The following LCA5 variants were observed in gnomAD, a reference collection of about 807,000 sequenced individuals.
LCA5 encodes lebercilin.
Under a neutral mutation model 53.0 loss-of-function variants are expected in LCA5, and 37 were observed. The observed-to-expected ratio is 0.70, with a 90% CI of 0.54 to 0.92. The LOEUF (loss-of-function observed/expected upper bound fraction) is 0.92, where lower values mean the gene tolerates loss of function less well. LCA5 is among the 40% of genes least tolerant of loss of function. The pLI is 0.00. For synonymous variants in LCA5, 303 were observed against 282.9 expected, an observed-to-expected ratio of 1.07 and a Z score of -0.71; for missense variants, 806 against 790.5, an observed-to-expected ratio of 1.02 and a Z score of -0.23.
intron 3 of LCA5, among the ~76,000 whole-genome samples, chr6:79,500,871 T>G (rs965926095): frequency 1.3e-5 from 2 of 152,148 alleles, no homozygotes; most frequent in Non-Finnish European, 2.9e-5. Context: ...TTCCACTGTT[T>G]CTTTTATGTC....
At chr6:79,532,033 C>T (rs898408881) in intron 1 of LCA5, among the ~76,000 whole-genome samples, 4 of 152,198 alleles carry the variant, frequency 2.6e-5, no homozygotes, top group South Asian at 2.1e-4. Flanking sequence ...AAATCATTAC[C>T]GTCCCTTTTC....
intron 3 of LCA5, among the ~76,000 whole-genome samples, chr6:79,500,660 C>A (rs962230321): frequency 2.6e-5 from 4 of 152,116 alleles, no homozygotes; most frequent in African/African-American, 9.7e-5. Flanking sequence ...CTTGATAATG[C>A]AAAGCATACT....
chr6:79,491,914 T>C (rs1365760250), intron 5 of LCA5, among the ~76,000 whole-genome samples, 184 bp from the exon 6 acceptor site: 2 of 152,034 alleles, frequency 1.3e-5, no homozygotes, highest in African/African-American at 2.4e-5. Context: ...ATAAATATAA[T>C]GCATGTTTTG....
chr6:79,512,963 T>A (rs1488177683), intron 3 of LCA5, among the ~76,000 whole-genome samples: 1 of 152,076 alleles, frequency 6.6e-6, no homozygotes, highest in Non-Finnish European at 1.5e-5. Flanking sequence ...AGAGAAACAA[T>A]CAGATAACCA....
chr6:79,532,352 T>G (rs1766983633), intron 1 of LCA5, among the ~76,000 whole-genome samples: 1 of 152,152 alleles, frequency 6.6e-6, no homozygotes, highest in Non-Finnish European at 1.5e-5. Context: ...GTTTTTCACA[T>G]GACAGTGAGA....
chr6:79,527,366 G>A (rs531868992), intron 1 of LCA5, among the ~76,000 whole-genome samples: 45 of 152,256 alleles, frequency 3.0e-4, no homozygotes, highest in Non-Finnish European at 6.2e-4. Flanking sequence ...AAAGCAGAAC[G>A]TCAAAATGGA....
rs1199537393 is a variant in LCA5 at position 79,486,126 on chromosome 6, TAATTG to T, written c.*873_*877del. 6.6e-6 allele frequency: 1 copy of T among 152,198 alleles called. No homozygotes were observed. The highest frequency in any genetic ancestry group is 1.5e-5 in the Non-Finnish European group (1 of 68,024). The allele number at this position is 152,198 out of a possible 1,614,324, so 9.4% of individuals were successfully genotyped here. On this transcript the variant is annotated 3_prime_UTR_variant, in exon 8 of 8. Coordinates refer to ENST00000369846, the MANE Select transcript of LCA5 (RefSeq NM_001122769.3). ...TTGCCAAATTATATTACTCTGGACA[TAATTG>T]AACTGAAGATCTTTCTATAATATAT...
At chr6:79,527,179 C>G (rs560701056) in intron 1 of LCA5, among the ~76,000 whole-genome samples, 13 of 152,234 alleles carry the variant, frequency 8.5e-5, no homozygotes, top group Non-Finnish European at 1.6e-4. Flanking sequence ...CAGATTCACT[C>G]TACTCCAATC....
chr6:79,527,795 T>C (rs1391026807), intron 1 of LCA5, among the ~76,000 whole-genome samples: 1 of 152,186 alleles, frequency 6.6e-6, no homozygotes, highest in African/African-American at 2.4e-5. Context: ...GTATATGGGT[T>C]AAGAGCAGAC....
At position 79,513,463 on chromosome 6, in the gene LCA5, T is replaced by G. The variant is rs901281230; in HGVS notation, c.469A>C (p.Ile157Leu). The change falls in exon 3 of 8, where the codon ATC (isoleucine) becomes CTC (leucine). Residue 157 changes from isoleucine to leucine, a missense_variant. Physicochemically the swap from Ile to Leu is conservative, Grantham distance 5. Transcript: ENST00000369846. ...TTATGACGAAATATAAGTTGTGAGA[T>G]TTCATTTTCGGCATCTTCAAACTTA... ...LNKFEDAENE[I>L]SQLIFRHNNE... 8 of 1,613,870 alleles carry G rather than the reference T, an allele frequency of 5.0e-6. No homozygotes were observed. In the African/African-American group the frequency reaches 1.1e-4, roughly 22 times the overall value.
rs1224649252 is a variant in LCA5, at chr6:79,513,307, T to C, written c.625A>G (p.Ile209Val). The change falls in exon 3 of 8, where the codon ATC (isoleucine) becomes GTC (valine). Residue 209 changes from isoleucine (I) to valine (V), a missense_variant. Physicochemically the swap from Ile to Val is conservative, Grantham distance 29. Coordinates refer to ENST00000369846, the MANE Select transcript of LCA5 (RefSeq NM_001122769.3). The stretch of plus-strand genomic sequence containing the variant: ...TCAGGTAGGTGTCTAGCTTCAGAGA[T>C]CTCTTTCAGTTTCTGTAAGGAAAAT... Reference protein sequence around the residue: ...TKFSLQKLKEISEARHLPERD... With the variant: ...TKFSLQKLKEVSEARHLPERD... 3 of 1,613,680 alleles carry C rather than the reference T, an allele frequency of 1.9e-6. No homozygotes were observed. Among genetic ancestry groups the C allele is most frequent in the South Asian group, 2.2e-5 (2 of 91,066 alleles).
rs1484580531 is a variant in LCA5 at position 79,487,229 on chromosome 6, G to T, written c.1869C>A (p.Asp623Glu). 3 of 1,613,918 alleles carry T rather than the reference G, an allele frequency of 1.9e-6. No homozygotes were observed. Among genetic ancestry groups the T allele is most frequent in the Non-Finnish European group, 2.5e-6 (3 of 1,179,948 alleles). ...GSSTISSKSSDPNSVASSKGD... is the reference protein window; with the variant it reads ...GSSTISSKSSEPNSVASSKGD... The stretch of plus-strand genomic sequence containing the variant: ...CTTTACTGGAAGCCACAGAATTTGG[G>T]TCACTGCTTTTGGAGGAAATGGTGC... The change falls in exon 8 of 8, where the codon GAC becomes GAA. Residue 623 changes from aspartate (D) to glutamate (E), a missense_variant. Asp to Glu is a conservative substitution (Grantham distance 45). Transcript: ENST00000369846.
intron 3 of LCA5, among the ~76,000 whole-genome samples, chr6:79,508,995 TG>T (rs1372071529): frequency 6.6e-6 from 1 of 152,188 alleles, no homozygotes. Context: ...ATGTACATAA[TG>T]GGTTAAAAAC....
chr6:79,528,114 A>C (rs1211386186), intron 1 of LCA5, among the ~76,000 whole-genome samples: 1 of 152,186 alleles, frequency 6.6e-6, no homozygotes, highest in Non-Finnish European at 1.5e-5. Context: ...CCTCTAGGAT[A>C]AAATATCAAT....
intron 2 of LCA5, among the ~76,000 whole-genome samples, chr6:79,516,880 G>GA (rs1182562271): frequency 2.0e-5 from 3 of 151,126 alleles, no homozygotes; most frequent in South Asian, 4.2e-4. Flanking sequence ...TAATATTATT[G>GA]AAAAAACAAA....
chr6:79,524,616 C>T (rs1363502691), intron 1 of LCA5, among the ~76,000 whole-genome samples: 1 of 152,090 alleles, frequency 6.6e-6, no homozygotes, highest in East Asian at 1.9e-4. Flanking sequence ...CAGTAATGAA[C>T]AGAAAGTCAA....
At position 79,499,279 on chromosome 6, in the gene LCA5, T is replaced by A. The variant is rs563873776; in HGVS notation, c.721-5529A>T. Among the ~76,000 whole-genome samples the A allele has an allele frequency of 3.2e-3, 485 of 151,824 alleles. 2 individuals carry two copies. The highest frequency in any genetic ancestry group is 0.011 in the African/African-American group (463 of 41,510). ...CTTTTAATTTTTCTCTAATTAAAAA[T>A]ATATATACATGTACTACTTATTTAA... On this transcript the variant is annotated intron_variant, in intron 3 of 7. Transcript: ENST00000369846.
chr6:79,493,351 C>T (rs565901015), intron 4 of LCA5, among the ~76,000 whole-genome samples: 1 of 152,092 alleles, frequency 6.6e-6, no homozygotes, highest in Non-Finnish European at 1.5e-5. Context: ...CCATAATTTT[C>T]TTCTATGATT....
chr6:79,515,840 AATGACTGAATAC>A (rs1405149198), intron 2 of LCA5, among the ~76,000 whole-genome samples: 3 of 152,080 alleles, frequency 2.0e-5, no homozygotes, highest in Admixed American at 1.3e-4. Flanking sequence ...CAGCTCTATA[AATGACTGAATAC>A]ATGAAAGGAA....
Sources: gnomAD v4.1 joint callset for allele counts (sites outside exome capture counted in the v4.1 genomes callset) on GRCh38, gnomAD v4.1.1 for gene constraint, MANE v1.5 for transcripts, NCBI Gene and HGNC (gene_info 2026-07-23, HGNC 2026-07-21) for gene names.